The following ARB2A variants were observed in gnomAD, a reference collection of about 807,000 sequenced individuals.
The protein encoded by ARB2A is cotranscriptional regulator ARB2A.
chr5:93,683,526 T>G, the ARB2A span: 2 of 1,530,296 alleles, frequency 1.3e-6, no homozygotes, highest in Non-Finnish European at 1.8e-6. Flanking sequence ...TCGTAATTCA[T>G]GGCCTCTGCT....
chr5:94,102,941 T>G, the ARB2A span, among the ~76,000 whole-genome samples: 2 of 151,946 alleles, frequency 1.3e-5, no homozygotes, highest in Non-Finnish European at 2.9e-5. Context: ...AAAAGAGAAA[T>G]AAAATCCTTT....
the ARB2A span, among the ~76,000 whole-genome samples, chr5:94,056,716 TA>T: frequency 6.6e-6 from 1 of 152,300 alleles, no homozygotes; most frequent in South Asian, 2.1e-4. Context: ...CAAACAGATA[TA>T]CTTGCACATT....
chr5:94,064,713 C>T, the ARB2A span, among the ~76,000 whole-genome samples: 2 of 152,268 alleles, frequency 1.3e-5, no homozygotes, highest in African/African-American at 4.8e-5. Context: ...GAGAAAACTG[C>T]CAGCCAAGGA....
the ARB2A span, among the ~76,000 whole-genome samples, chr5:93,895,468 A>C: frequency 3.3e-5 from 5 of 152,160 alleles, no homozygotes; most frequent in African/African-American, 1.2e-4. Context: ...ATATATTTTC[A>C]ATTAGATTTA....
the ARB2A span, among the ~76,000 whole-genome samples, chr5:93,871,383 T>G: frequency 1.3e-5 from 2 of 152,192 alleles, no homozygotes; most frequent in Admixed American, 6.5e-5. Context: ...ACCAATGGAT[T>G]TTTATGAGTA....
the ARB2A span, among the ~76,000 whole-genome samples, chr5:93,911,102 T>C: frequency 6.6e-6 from 1 of 151,582 alleles, no homozygotes; most frequent in Non-Finnish European, 1.5e-5. Flanking sequence ...TTTGTTACAG[T>C]GTGCTGACTT....
the ARB2A span, among the ~76,000 whole-genome samples, chr5:93,894,344 T>C: frequency 6.6e-6 from 1 of 152,132 alleles, no homozygotes; most frequent in Admixed American, 6.6e-5. Context: ...CAGGGCTTTC[T>C]TAGCACCATG....
chr5:94,011,374 T>C, the ARB2A span, among the ~76,000 whole-genome samples: 1 of 152,208 alleles, frequency 6.6e-6, no homozygotes, highest in Non-Finnish European at 1.5e-5. Context: ...CTTTTACTTA[T>C]TTATTTTGTT....
chr5:93,647,677 C>T, the ARB2A span, among the ~76,000 whole-genome samples: 7 of 152,014 alleles, frequency 4.6e-5, no homozygotes, highest in African/African-American at 1.7e-4. Context: ...GCACCTGCCA[C>T]CATGCCTGGC....
the ARB2A span, among the ~76,000 whole-genome samples, chr5:93,782,102 A>G: frequency 6.6e-6 from 1 of 152,158 alleles, no homozygotes; most frequent in Non-Finnish European, 1.5e-5. Context: ...GATACCTGTC[A>G]TACTCTTTTA....
At chr5:93,890,006 T>C in the ARB2A span, among the ~76,000 whole-genome samples, 2 of 151,964 alleles carry the variant, frequency 1.3e-5, no homozygotes, top group Admixed American at 6.6e-5. Flanking sequence ...CTTCTTAAAA[T>C]TGTATGTCAC....
At chr5:94,020,668 T>C in the ARB2A span, among the ~76,000 whole-genome samples, 2 of 152,076 alleles carry the variant, frequency 1.3e-5, no homozygotes, top group Non-Finnish European at 2.9e-5. Flanking sequence ...TCTGATAATA[T>C]TGCTAACTCC....
the ARB2A span, among the ~76,000 whole-genome samples, chr5:93,925,999 T>A: frequency 6.6e-6 from 1 of 152,308 alleles, no homozygotes; most frequent in East Asian, 1.9e-4. Context: ...AATATTAAGA[T>A]TTAAATCACA....
chr5:94,020,853 C>T, the ARB2A span, among the ~76,000 whole-genome samples: 2 of 152,068 alleles, frequency 1.3e-5, no homozygotes, highest in African/African-American at 4.8e-5. Context: ...GGAAAAAGCC[C>T]ATGATTGCCA....
chr5:93,639,992 G>A, the ARB2A span, among the ~76,000 whole-genome samples: 1 of 149,080 alleles, frequency 6.7e-6, no homozygotes, highest in Non-Finnish European at 1.5e-5. Context: ...CAGAGACGGA[G>A]GTTGCAGTGA....
At chr5:93,835,224 T>C in the ARB2A span, among the ~76,000 whole-genome samples, 2 of 152,190 alleles carry the variant, frequency 1.3e-5, no homozygotes, top group African/African-American at 4.8e-5. Context: ...TACCTAGGCA[T>C]TGCAAGGTCT....
At chr5:94,111,405 C>A in the ARB2A span, 1 of 153,512 alleles carries the variant, frequency 6.5e-6, no homozygotes, top group South Asian at 1.9e-4. Context: ...CAGCCTCGGT[C>A]CCCAGGGCCA....
At chr5:94,076,283 T>C in the ARB2A span, among the ~76,000 whole-genome samples, 1 of 152,220 alleles carries the variant, frequency 6.6e-6, no homozygotes, top group African/African-American at 2.4e-5. Context: ...AAGGAATACC[T>C]AGAATGTAGC....
the ARB2A span, among the ~76,000 whole-genome samples, chr5:93,828,155 G>T: frequency 6.6e-6 from 1 of 152,092 alleles, no homozygotes; most frequent in Non-Finnish European, 1.5e-5. Context: ...TGATGGGGAT[G>T]GCATTGAATC....
Sources: allele counts gnomAD v4.1 joint callset (sites outside exome capture counted in the v4.1 genomes callset), GRCh38; gene constraint gnomAD v4.1.1; transcripts MANE v1.5; gene names NCBI Gene and HGNC (gene_info 2026-07-23, HGNC 2026-07-21).